Variants in IMMP1L observed in about 807,000 individuals in gnomAD.
The protein encoded by IMMP1L is mitochondrial inner membrane protease subunit 1.
IMMP1L carries 24 observed loss-of-function variants against 21.8 expected under a neutral mutation model. The observed-to-expected ratio is 1.10, with a 90% confidence interval of 0.80 to 1.55. IMMP1L has a LOEUF of 1.55. IMMP1L is among the 40% of genes most tolerant of loss of function. IMMP1L has a pLI of 0.00. For synonymous variants in IMMP1L, 46 were observed against 62.8 expected (o/e 0.73, Z 1.26); for missense variants, 195 against 200.7 (o/e 0.97, Z 0.17).
intron 1 of IMMP1L, among the ~76,000 whole-genome samples, chr11:31,476,158 C>T (rs1179553050): frequency 1.3e-5 from 2 of 151,994 alleles, no homozygotes; most frequent in African/African-American, 4.8e-5. Context: ...TTTTAGTCCA[C>T]TTATTTACTT....
At position 31,432,581 on chromosome 11, in the gene IMMP1L, A is replaced by T; in HGVS notation, c.433-13T>A. On this transcript the variant is annotated splice_polypyrimidine_tract_variant and intron_variant, in intron 5 of 5. Coordinates refer to ENST00000532287, the MANE Select transcript of IMMP1L (RefSeq NM_001304274.2). ...TCAGAGGCCAAATCTGTAAAATCAAAATGAGGTTGAAGACAATTAGTGAAA... is the reference window on the plus strand; with the variant it reads ...TCAGAGGCCAAATCTGTAAAATCAATATGAGGTTGAAGACAATTAGTGAAA... The T allele has an allele frequency of 6.3e-7, 1 of 1,589,584 alleles. No homozygotes were observed. Among genetic ancestry groups the T allele is most frequent in the Non-Finnish European group, 8.6e-7 (1 of 1,157,874 alleles).
At chr11:31,487,588 A>G (rs907351134) in intron 1 of IMMP1L, among the ~76,000 whole-genome samples, 1 of 152,172 alleles carries the variant, frequency 6.6e-6, no homozygotes, top group Non-Finnish European at 1.5e-5. Flanking sequence ...AAAACATGAT[A>G]GCTGGATTAT....
chr11:31,442,981 T>A lies in IMMP1L; in HGVS notation c.322-9411A>T, dbSNP rs1284261473. On this transcript the variant is annotated intron_variant, in intron 4 of 5. Transcript: ENST00000532287. ...ATAAAATGCATAATACCCTTGCCTA[T>A]GAAAAAAGTCTATATGATGAATGTA... Among the ~76,000 whole-genome samples the A allele has an allele frequency of 3.9e-5, 6 of 152,138 alleles. No homozygotes were observed. The East Asian group carries it at 1.2e-3, about 29-fold the overall frequency.
intron 4 of IMMP1L, among the ~76,000 whole-genome samples, chr11:31,445,313 CCACTT>C (rs1953476686): frequency 6.6e-6 from 1 of 152,174 alleles, no homozygotes; most frequent in Non-Finnish European, 1.5e-5. Flanking sequence ...TCGTGGCACT[CCACTT>C]AATTCTTTCC....
intron 4 of IMMP1L, among the ~76,000 whole-genome samples, chr11:31,450,138 C>T (rs998584010): frequency 2.0e-5 from 3 of 152,114 alleles, no homozygotes; most frequent in Non-Finnish European, 4.4e-5. Context: ...CTTTACCCAT[C>T]GTTAAGCCAA....
intron 1 of IMMP1L, among the ~76,000 whole-genome samples, chr11:31,475,030 G>A (rs1954681553): frequency 6.6e-6 from 1 of 152,108 alleles, no homozygotes; most frequent in Non-Finnish European, 1.5e-5. Flanking sequence ...AATATTTTCA[G>A]AGACTTGACA....
chr11:31,433,360 A>G lies in IMMP1L; in HGVS notation c.432+100T>C, dbSNP rs1952989022. 4.6e-5 allele frequency: 30 copies of G among 650,056 alleles called. No individual in the cohort carries two copies. In the South Asian group the frequency reaches 7.1e-4, roughly 15 times the overall value. 40.3% of individuals were successfully genotyped at this position (650,056 alleles called of 1,614,324 possible). On this transcript the variant is annotated intron_variant, in intron 5 of 5. Transcript: ENST00000532287. ...GTTCAAAAAATATATTCGGTGCAAC[A>G]GTTAAGTACACTGACAGCTTGAAGA...
intron 1 of IMMP1L, among the ~76,000 whole-genome samples, chr11:31,494,428 G>A (rs1009894577): frequency 6.6e-5 from 10 of 152,236 alleles, no homozygotes; most frequent in African/African-American, 2.4e-4. Flanking sequence ...GCACAGAACA[G>A]GGGCAACCCT....
chr11:31,473,227 T>A (rs1592000607), intron 1 of IMMP1L, among the ~76,000 whole-genome samples: 1 of 152,268 alleles, frequency 6.6e-6, no homozygotes, highest in African/African-American at 2.4e-5. Flanking sequence ...TTTTTTGTAT[T>A]TTTAGTAGAG....
At chr11:31,452,081 A>C (rs1953775814) in intron 4 of IMMP1L, 1 of 230,166 alleles carries the variant, frequency 4.3e-6, no homozygotes, top group Non-Finnish European at 7.2e-6. Context: ...CCATCAGTGA[A>C]GTGGTGGAGA....
At chr11:31,458,786 G>C (rs1234776947) in intron 3 of IMMP1L, among the ~76,000 whole-genome samples, 2 of 152,040 alleles carry the variant, frequency 1.3e-5, no homozygotes. Context: ...GGATGAATAG[G>C]GTACAAAATA....
At chr11:31,487,621 T>C (rs1430293281) in intron 1 of IMMP1L, among the ~76,000 whole-genome samples, 9 of 152,136 alleles carry the variant, frequency 5.9e-5, no homozygotes, top group Admixed American at 5.9e-4. Flanking sequence ...CAATGTCTAA[T>C]GTAAATTATA....
chr11:31,472,080 CT>C (rs1954572048), intron 1 of IMMP1L, among the ~76,000 whole-genome samples: 1 of 152,112 alleles, frequency 6.6e-6, no homozygotes, highest in Non-Finnish European at 1.5e-5. Context: ...CTCCTTTTTA[CT>C]CTTTTAAGGA....
At chr11:31,480,533 G>C (rs552058565) in intron 1 of IMMP1L, among the ~76,000 whole-genome samples, 1 of 151,742 alleles carries the variant, frequency 6.6e-6, no homozygotes, top group Non-Finnish European at 1.5e-5. Flanking sequence ...ATGTTCTTAA[G>C]GTACTAACTC....
intron 1 of IMMP1L, among the ~76,000 whole-genome samples, chr11:31,488,919 C>T (rs1049811462): frequency 6.6e-6 from 1 of 151,638 alleles, no homozygotes; most frequent in East Asian, 1.9e-4. Flanking sequence ...ATTTTTGAGG[C>T]GGAGTCTCGC....
rs574250892 is a variant in IMMP1L, at chr11:31,445,982, A to G, written c.321+10278T>C. ...CTGGGGAAAGCAGTACTTTTTTGCT[A>G]CTTGCTGTAAAATTTAATTGCCACA... On this transcript the variant is annotated intron_variant, in intron 4 of 5. Coordinates refer to ENST00000532287, the MANE Select transcript of IMMP1L (RefSeq NM_001304274.2). 5.9e-5 allele frequency among the ~76,000 whole-genome samples: 9 copies of G among 152,292 alleles called. No individual in the cohort carries two copies. In the East Asian group the frequency reaches 1.2e-3, roughly 20 times the overall value.
At chr11:31,478,301 A>G (rs1315389435) in intron 1 of IMMP1L, among the ~76,000 whole-genome samples, 1 of 152,204 alleles carries the variant, frequency 6.6e-6, no homozygotes, top group Non-Finnish European at 1.5e-5. Context: ...AGATTTCTAA[A>G]TCCCCTATTA....
At chr11:31,440,238 G>C (rs1953274932) in intron 4 of IMMP1L, among the ~76,000 whole-genome samples, 1 of 151,982 alleles carries the variant, frequency 6.6e-6, no homozygotes, top group Non-Finnish European at 1.5e-5. Flanking sequence ...TTTCTCTCAA[G>C]GATTAGTTTC....
intron 5 of IMMP1L, among the ~76,000 whole-genome samples, chr11:31,433,241 T>C (rs1952982365): frequency 6.6e-6 from 1 of 152,200 alleles, no homozygotes; most frequent in South Asian, 2.1e-4. Flanking sequence ...TCTTAGGCTA[T>C]AGCTAAGGTA....
Sources: allele counts gnomAD v4.1 joint callset (sites outside exome capture counted in the v4.1 genomes callset), GRCh38; gene constraint gnomAD v4.1.1; transcripts MANE v1.5; gene names NCBI Gene and HGNC (gene_info 2026-07-23, HGNC 2026-07-21).